Variants in ABCB1 observed in about 807,000 individuals in gnomAD.
ABCB1 encodes the protein ATP binding cassette subfamily B member 1.
Under a neutral mutation model 142.0 loss-of-function variants are expected in ABCB1, and 69 were observed. That is an observed-to-expected ratio of 0.49 (90% confidence interval 0.40 to 0.59). The LOEUF (loss-of-function observed/expected upper bound fraction) is 0.59, where lower values mean the gene tolerates loss of function less well. ABCB1 is among the 20% of genes least tolerant of loss of function. The pLI is 0.00. For synonymous variants in ABCB1, 532 were observed against 539.2 expected, an observed-to-expected ratio of 0.99 and a Z score of 0.18; for missense variants, 1,326 against 1,554.7, an observed-to-expected ratio of 0.85 and a Z score of 2.47.
At chr7:87,701,527 G>T (rs979198714) in intron 1 of ABCB1, among the ~76,000 whole-genome samples, 1 of 152,136 alleles carries the variant, frequency 6.6e-6, no homozygotes. Context: ...TGATCAGTTC[G>T]TGGAATTACA....
At chr7:87,700,546 A>G in intron 1 of ABCB1, 1 of 1,611,562 alleles carries the variant, frequency 6.2e-7, no homozygotes, top group Non-Finnish European at 8.5e-7. Context: ...CAGTTCTTCT[A>G]GAGCTAAGGT....
chr7:87,627,104 T>C (rs370238215), intron 1 of ABCB1, among the ~76,000 whole-genome samples: 5 of 152,160 alleles, frequency 3.3e-5, no homozygotes, highest in African/African-American at 1.2e-4. Context: ...AACAGAATAG[T>C]AGAATAAAAT....
rs1158620384 is a variant in ABCB1 at position 87,531,427 on chromosome 7, A to G, written c.2552T>C (p.Phe851Ser). Residue 851 changes from phenylalanine to serine, a missense_variant, in exon 21 of 28, where the codon TTC becomes TCC. Coordinates refer to ENST00000622132, the MANE Select transcript of ABCB1 (RefSeq NM_001348946.2). ...CAGTGTTAGTTGCCAACCATAGATG[A>G]AGGATATAATTATTCCTGTCCCAAG... ...ANLGTGIIIS[F>S]IYGWQLTLLL... The G allele has an allele frequency of 1.2e-6, 2 of 1,613,422 alleles. No homozygotes were observed. Among genetic ancestry groups the G allele is most frequent in the East Asian group, 2.2e-5 (1 of 44,810 alleles).
At chr7:87,549,127 C>T (rs537673275) in intron 14 of ABCB1, among the ~76,000 whole-genome samples, 2 of 152,050 alleles carry the variant, frequency 1.3e-5, no homozygotes, top group East Asian at 1.9e-4. Context: ...ATGTATTCAT[C>T]AACATTTAAA....
At chr7:87,708,317 A>T (rs2188528) in intron 1 of ABCB1, among the ~76,000 whole-genome samples, 4,530 of 152,264 alleles carry the variant, frequency 0.03, 64 homozygotes, top group Middle Eastern at 0.048. Context: ...CCAAGTGTGT[A>T]TATCTCACAG....
intron 1 of ABCB1, among the ~76,000 whole-genome samples, chr7:87,676,703 CAAAAAAAA>C (rs57480483): frequency 6.6e-5 from 3 of 45,432 alleles, no homozygotes; most frequent in Non-Finnish European, 8.8e-5. Flanking sequence ...GACCCTGTCT[CAAAAAAAA>C]AAAAAAAAAA....
intron 1 of ABCB1, among the ~76,000 whole-genome samples, chr7:87,632,943 A>T (rs533770763): frequency 2.0e-5 from 3 of 152,218 alleles, no homozygotes; most frequent in Non-Finnish European, 4.4e-5. Context: ...TGTAGCTAGG[A>T]GGGACTAATA....
In ABCB1 at chr7:87,519,451, T is replaced by C; in HGVS notation, c.2802A>G (p.Lys934=). The C allele has an allele frequency of 6.2e-7, 1 of 1,614,120 alleles. No individual in the cohort carries two copies. Among genetic ancestry groups the C allele is most frequent in the Non-Finnish European group, 8.5e-7 (1 of 1,179,966 alleles). Residue 934 remains lysine (K), a synonymous_variant, in exon 23 of 28, where the codon AAA becomes AAG. Transcript: ENST00000622132. The stretch of plus-strand genomic sequence containing the variant: ...AAAATGTAATTCCAAAGATGTGTGC[T>C]TTCCTCAAAGAGTTTCTGAAAAGAA... ...LQVPYRNSLR[K]AHIFGITFSF...
intron 8 of ABCB1, among the ~76,000 whole-genome samples, chr7:87,557,741 T>C (rs183893036): frequency 1.6e-4 from 25 of 152,340 alleles, no homozygotes; most frequent in Middle Eastern, 6.8e-3. Context: ...ATCAGATTTA[T>C]CTAAGTTACA....
intron 1 of ABCB1, among the ~76,000 whole-genome samples, chr7:87,658,798 C>T (rs1824398102): frequency 6.6e-6 from 1 of 152,190 alleles, no homozygotes; most frequent in Admixed American, 6.5e-5. Flanking sequence ...TTAAGACCTT[C>T]TCACAGGAAA....
intron 1 of ABCB1, among the ~76,000 whole-genome samples, chr7:87,648,489 A>G (rs1187096191): frequency 6.6e-6 from 1 of 152,082 alleles, no homozygotes; most frequent in Non-Finnish European, 1.5e-5. Context: ...AAAGGAAAAC[A>G]TATTGGAAGC....
At chr7:87,626,771 T>A in intron 1 of ABCB1, among the ~76,000 whole-genome samples, 1 of 134,306 alleles carries the variant, frequency 7.4e-6, no homozygotes, top group Non-Finnish European at 1.7e-5. Flanking sequence ...GTCATATATA[T>A]GTCAGAGAGA....
In ABCB1 at chr7:87,505,941, GC is replaced by G; in HGVS notation, c.3591del (p.Leu1197PhefsTer33). The part of the protein sequence containing the change: ...ARALVRQPHI[L>X]LLDEATSALD... ...AGAGCTGACGTGGCTTCATCCAAAA[GC>G]AAAATATGAGGCTGTCTAACAAGGG... On this transcript the variant is annotated frameshift_variant, in exon 27 of 28. Coordinates refer to ENST00000622132, the MANE Select transcript of ABCB1 (RefSeq NM_001348946.2). LOFTEE classifies it high-confidence loss of function. The G allele has an allele frequency of 6.2e-7, 1 of 1,614,130 alleles. No homozygotes were observed.
At chr7:87,604,875 C>T (rs991179760), upstream of ABCB1, among the ~76,000 whole-genome samples, 5 of 152,216 alleles carry the variant, frequency 3.3e-5, no homozygotes, top group Non-Finnish European at 5.9e-5. Flanking sequence ...TTTTCTACCA[C>T]TCCGCAATCC....
chr7:87,587,727 T>C (rs932449960), intron 3 of ABCB1, among the ~76,000 whole-genome samples: 4 of 151,694 alleles, frequency 2.6e-5, no homozygotes, highest in Admixed American at 1.3e-4. Flanking sequence ...AAAAAGAAAT[T>C]AGCCGGATGT....
At chr7:87,600,542 G>C (rs1819409460) in intron 1 of ABCB1, among the ~76,000 whole-genome samples, 1 of 152,204 alleles carries the variant, frequency 6.6e-6, no homozygotes, top group African/African-American at 2.4e-5. Flanking sequence ...CGCGCTCCGG[G>C]CAACATGGTC....
chr7:87,629,067 G>T, intron 1 of ABCB1: 2 of 979,016 alleles, frequency 2.0e-6, no homozygotes, highest in African/African-American at 3.4e-5. Context: ...CGCCTATGTT[G>T]CGCCAGCCAA....
At chr7:87,569,656 C>T (rs1452654627) in intron 5 of ABCB1, among the ~76,000 whole-genome samples, 2 of 152,038 alleles carry the variant, frequency 1.3e-5, no homozygotes, top group Non-Finnish European at 2.9e-5. Flanking sequence ...TAATTATAAG[C>T]CATTGAAAAT....
chr7:87,605,055 G>A (rs1486349445), upstream of ABCB1, among the ~76,000 whole-genome samples: 2 of 152,172 alleles, frequency 1.3e-5, no homozygotes, highest in African/African-American at 4.8e-5. Flanking sequence ...CAGATTTATG[G>A]AAATTACACT....
Sources: allele counts gnomAD v4.1 joint callset (sites outside exome capture counted in the v4.1 genomes callset), GRCh38; gene constraint gnomAD v4.1.1; transcripts MANE v1.5; gene names NCBI Gene and HGNC (gene_info 2026-07-23, HGNC 2026-07-21).